The following MAP3K11 variants were observed in gnomAD, a reference collection of about 807,000 sequenced individuals.
The protein encoded by MAP3K11 is SH3 domain-containing proline-rich kinase.
MAP3K11 carries 46 observed loss-of-function variants against 84.9 expected under a neutral mutation model. That is an observed-to-expected ratio of 0.54 (90% CI 0.43 to 0.69). The LOEUF is 0.69. Among genes scored for constraint, MAP3K11 ranks in the 30% least tolerant of loss-of-function variants. The probability of loss-of-function intolerance (pLI) is 0.00; values close to 1 mark genes in which losing one functional copy is unlikely to be tolerated. For missense variants in MAP3K11, 1,053 were observed against 1,198.3 expected (o/e 0.88, Z 1.79); for synonymous variants, 527 against 514.7 (o/e 1.02, Z -0.32).
intron 8 of MAP3K11, among the ~76,000 whole-genome samples, chr11:65,600,560 G>C (rs943008848): frequency 6.6e-6 from 1 of 152,200 alleles, no homozygotes; most frequent in South Asian, 2.1e-4. Context: ...CTCTGCCCTA[G>C]ATTTCAAGAC....
At chr11:65,608,143 A>G in intron 2 of MAP3K11, 73 bp from the exon 3 acceptor site, 1 of 1,599,122 alleles carries the variant, frequency 6.3e-7, no homozygotes, top group Non-Finnish European at 8.6e-7. Context: ...ACTTCACCCA[A>G]AAGCAACTAG....
In MAP3K11 at chr11:65,613,131, C is replaced by T. The variant is rs143451767; in HGVS notation, c.626G>A (p.Arg209His). 1.9e-5 allele frequency: 30 copies of T among 1,588,880 alleles called. No homozygotes were observed. Among genetic ancestry groups the T allele is most frequent in the South Asian group, 1.3e-4 (11 of 86,392 alleles). Residue 209 changes from arginine to histidine, a missense_variant, in exon 1 of 10, where the codon CGC becomes CAC. Arg to His is a conservative substitution (Grantham distance 29). Transcript: ENST00000309100. Reference protein sequence around the residue: ...GPLSRALAGRRVPPHVLVNWA... With the variant: ...GPLSRALAGRHVPPHVLVNWA... ...GTTGACCAGCACATGGGGAGGCACG[C>T]GCCGCCCGGCCAGAGCTCGGCTGAG...
chr11:65,605,554 G>C (rs1293249177), intron 8 of MAP3K11: 2 of 514,040 alleles, frequency 3.9e-6, no homozygotes, highest in Non-Finnish European at 6.8e-6. Context: ...GCCGAGGCCT[G>C]GGCTGTATGC....
chr11:65,600,596 G>C (rs1205590152), intron 8 of MAP3K11, among the ~76,000 whole-genome samples: 1 of 152,208 alleles, frequency 6.6e-6, no homozygotes, highest in Non-Finnish European at 1.5e-5. Context: ...TCCAGTCTAG[G>C]GTTGGCCTGA....
chr11:65,605,628 T>G (rs1940837907), intron 8 of MAP3K11, 133 bp downstream of exon 8: 1 of 634,950 alleles, frequency 1.6e-6, no homozygotes. Context: ...TGTCTCAGCC[T>G]TGGTTTCCTA....
In MAP3K11 at chr11:65,599,732, G is replaced by C. The variant is rs754488458; in HGVS notation, c.1868C>G (p.Pro623Arg). 6.3e-7 allele frequency: 1 copy of C among 1,589,920 alleles called. No homozygotes were observed. Among genetic ancestry groups the C allele is most frequent in the Non-Finnish European group, 8.5e-7 (1 of 1,175,920 alleles). Residue 623 changes from proline to arginine, a missense_variant, in exon 9 of 10, where the codon CCC becomes CGC. Physicochemically the swap from Pro to Arg is moderately radical, Grantham distance 103 (BLOSUM62 -2). This residue lies in a region of MAP3K11 where 583 missense variants were observed against 566.6 expected (regional missense o/e 1.03). Coordinates refer to ENST00000309100, the MANE Select transcript of MAP3K11 (RefSeq NM_002419.4). ...GCGCTCTGCGGGGACAGGCCTCTTG[G>C]GCTCCTCGGGCTCCAGGCTAGGCCG... ...PPRPSLEPEE[P>R]KRPVPAERGS...
Position 65,613,679 on chromosome 11 carries a change from G to GCCCCCACCA in MAP3K11, c.69_77dup (p.Gly28_Gly30dup). 1 of 1,008,200 alleles carries GCCCCCACCA rather than the reference G, an allele frequency of 9.9e-7. No individual in the cohort carries two copies. The highest frequency in any genetic ancestry group is 1.5e-6 in the Non-Finnish European group (1 of 646,908). The allele number at this position is 1,008,200 out of a possible 1,614,324, so 62.5% of individuals were successfully genotyped here. A position where few individuals can be genotyped will look rare whatever the true frequency, so the allele number is the denominator to read the frequency against. Reference sequence around the variant, plus strand: ...ACCCCTCAGGCCGGCCTCCTCCACCGCCCCCACCACCCCCGCTGCCACTGC... The same window carrying GCCCCCACCA: ...ACCCCTCAGGCCGGCCTCCTCCACCGCCCCCACCACCCCCACCACCCCCGCTGCCACTGC... On this transcript the variant is annotated inframe_insertion, in exon 1 of 10. Coordinates refer to ENST00000309100, the MANE Select transcript of MAP3K11 (RefSeq NM_002419.4).
At position 65,613,982 on chromosome 11, in the gene MAP3K11, T is replaced by G. The variant is rs930468256; in HGVS notation, c.-226A>C. On this transcript the variant is annotated 5_prime_UTR_variant, in exon 1 of 10. Coordinates refer to ENST00000309100, the MANE Select transcript of MAP3K11 (RefSeq NM_002419.4). ...GGGCAGTGTGGTCAGGCCGGGGGGG[T>G]GGGGCCCCGGGGCCTCCGGCGCCTC... 2.3e-4 allele frequency: 129 copies of G among 560,368 alleles called. No individual in the cohort carries two copies. Among genetic ancestry groups the G allele is most frequent in the African/African-American group, 2.1e-4 (11 of 52,110 alleles). The allele number at this position is 560,368 out of a possible 1,614,324, so 34.7% of individuals were successfully genotyped here. A position where few individuals can be genotyped will look rare whatever the true frequency, so the allele number is the denominator to read the frequency against.
intron 8 of MAP3K11, among the ~76,000 whole-genome samples, 179 bp from the exon 9 acceptor site, chr11:65,599,947 G>A (rs572647198): frequency 1.4e-4 from 21 of 152,338 alleles, no homozygotes; most frequent in African/African-American, 5.0e-4. Flanking sequence ...TTCACAAGAT[G>A]GGCACTGGGA....
intron 5 of MAP3K11, 189 bp downstream of exon 5, chr11:65,607,081 G>T: frequency 1.2e-6 from 1 of 863,752 alleles, no homozygotes; most frequent in Non-Finnish European, 1.7e-6. Context: ...AGACCGACAT[G>T]CAAATACTTC....
Position 65,613,879 on chromosome 11 carries a change from A to G in MAP3K11, c.-123T>C, listed in dbSNP as rs1186688170. 8.9e-6 allele frequency: 10 copies of G among 1,119,046 alleles called. No individual in the cohort carries two copies. Among genetic ancestry groups the G allele is most frequent in the Non-Finnish European group, 1.1e-5 (9 of 813,970 alleles). The allele number at this position is 1,119,046 out of a possible 1,614,324, so 69.3% of individuals were successfully genotyped here. A position where few individuals can be genotyped will look rare whatever the true frequency, so the allele number is the denominator to read the frequency against. On this transcript the variant is annotated 5_prime_UTR_variant, in exon 1 of 10. Transcript: ENST00000309100. ...CATCCGGGCCCTGGCCCTCAGCCCCAGACCCACGCCTCTCTGGGGAGCCAG... is the reference window on the plus strand; with the variant it reads ...CATCCGGGCCCTGGCCCTCAGCCCCGGACCCACGCCTCTCTGGGGAGCCAG...
chr11:65,606,941 ACTG>A, intron 5 of MAP3K11, 137 bp from the exon 6 acceptor site: 2 of 617,498 alleles, frequency 3.2e-6, no homozygotes, highest in South Asian at 4.0e-5. Context: ...GACCAGCCTC[ACTG>A]CTTTCTTGAG....
intron 8 of MAP3K11, among the ~76,000 whole-genome samples, chr11:65,600,615 T>C (rs1854445421): frequency 6.6e-6 from 1 of 152,230 alleles, no homozygotes; most frequent in Admixed American, 6.5e-5. Flanking sequence ...GACTCCATTC[T>C]AGACCACTTG....
At chr11:65,603,824 G>T (rs1854480146) in intron 8 of MAP3K11, among the ~76,000 whole-genome samples, 1 of 152,268 alleles carries the variant, frequency 6.6e-6, no homozygotes, top group Non-Finnish European at 1.5e-5. Context: ...TACTTATCAA[G>T]AACAGTAACT....
chr11:65,598,228 G>A lies in MAP3K11; in HGVS notation c.*63C>T, dbSNP rs1325668029. 2.3e-6 allele frequency: 3 copies of A among 1,314,152 alleles called. No homozygotes were observed. Among genetic ancestry groups the A allele is most frequent in the Non-Finnish European group, 3.0e-6 (3 of 1,015,216 alleles). The allele number at this position is 1,314,152 out of a possible 1,614,324, so 81.4% of individuals were successfully genotyped here. A position where few individuals can be genotyped will look rare whatever the true frequency, so the allele number is the denominator to read the frequency against. ...AGCTGCAGAGGCTGACCCAGCTCCT[G>A]TTCCAGTGTATGCTGTGACTCCTCC... On this transcript the variant is annotated 3_prime_UTR_variant, in exon 10 of 10. Coordinates refer to ENST00000309100, the MANE Select transcript of MAP3K11 (RefSeq NM_002419.4).
At chr11:65,612,550 C>T (rs1213345314) in intron 1 of MAP3K11, 2 of 155,742 alleles carry the variant, frequency 1.3e-5, no homozygotes, top group Non-Finnish European at 2.8e-5. Flanking sequence ...AGAATTCCAG[C>T]CCTGGCCTTA....
Position 65,608,041 on chromosome 11 carries a change from G to A in MAP3K11, c.950C>T (p.Thr317Ile). 1 of 1,614,182 alleles carries A rather than the reference G, an allele frequency of 6.2e-7. No individual in the cohort carries two copies. Among genetic ancestry groups the A allele is most frequent in the South Asian group, 1.1e-5 (1 of 91,088 alleles). Residue 317 changes from threonine (T) to isoleucine (I), a missense_variant, in exon 3 of 10, where the codon ACC (threonine) becomes ATC (isoleucine). Physicochemically the swap from Thr to Ile is moderately conservative, Grantham distance 89. This residue lies in a region of MAP3K11 where 310 missense variants were observed against 464.5 expected (regional missense o/e 0.67). Coordinates refer to ENST00000309100, the MANE Select transcript of MAP3K11 (RefSeq NM_002419.4). The stretch of plus-strand genomic sequence containing the variant: ...AATGCCACGGTATGGCACCTCCCCG[G>A]TCAGCAGTTCCCACAGCAGCACCCC... ...SFGVLLWELL[T>I]GEVPYRGIDC...
chr11:65,608,368 ACT>A lies in MAP3K11; in HGVS notation c.818_819del (p.Glu273ValfsTer19). 2 of 1,613,796 alleles carry A rather than the reference ACT, an allele frequency of 1.2e-6. No individual in the cohort carries two copies. The highest frequency in any genetic ancestry group is 1.7e-6 in the Non-Finnish European group (2 of 1,179,932). ...GCACTCATTTGTGTGGTTTTGTGCC[ACT>A]CTCGGGCCAGGCCAAAGTCGGTGAT... The part of the protein sequence containing the change: ...LKITDFGLAR[E>X]WHKTTQMSAA... On this transcript the variant is annotated frameshift_variant, in exon 2 of 10. Transcript: ENST00000309100. LOFTEE classifies it high-confidence loss of function.
intron 1 of MAP3K11, chr11:65,611,758 G>C (rs1854572924): frequency 6.6e-6 from 1 of 152,336 alleles, no homozygotes; most frequent in African/African-American, 2.4e-5. Context: ...AAAGAAAACG[G>C]AGGAAAAACA....
Sources: gnomAD v4.1 joint callset for allele counts (sites outside exome capture counted in the v4.1 genomes callset) on GRCh38, gnomAD v4.1.1 for gene constraint, gnomAD v4.1.1 regional missense constraint, MANE v1.5 for transcripts, NCBI Gene and HGNC (gene_info 2026-07-23, HGNC 2026-07-21) for gene names.